The following MARCHF1 variants were observed in gnomAD, a reference collection of about 807,000 sequenced individuals.
MARCHF1 encodes membrane associated ring-CH-type finger 1, also known as E3 ubiquitin-protein ligase MARCHF1.
Under a neutral mutation model 54.2 loss-of-function variants are expected in MARCHF1, and 40 were observed. That is an observed-to-expected ratio of 0.74 (90% confidence interval 0.57 to 0.96). MARCHF1 has a LOEUF of 0.96. Among genes scored for constraint, MARCHF1 ranks in the 40% least tolerant of loss-of-function variants. MARCHF1 has a pLI of 0.00. For synonymous variants in MARCHF1, 236 were observed against 236.3 expected (o/e 1.00, Z 0.01); for missense variants, 586 against 656.5 (o/e 0.89, Z 1.17).
chr4:163,557,397 A>G (rs1455402716), intron 8 of MARCHF1, among the ~76,000 whole-genome samples: 1 of 152,222 alleles, frequency 6.6e-6, no homozygotes, highest in Admixed American at 6.5e-5. Flanking sequence ...GTTTGAACCA[A>G]AGAAAGCTTC....
At chr4:164,172,938 G>C (rs538002153) in intron 1 of MARCHF1, among the ~76,000 whole-genome samples, 1 of 141,798 alleles carries the variant, frequency 7.1e-6, no homozygotes, top group Non-Finnish European at 1.5e-5. Context: ...CCGAGATCAC[G>C]CCACTGCACT....
intron 3 of MARCHF1, among the ~76,000 whole-genome samples, chr4:163,986,249 C>CCTTTTTTTT (rs1752864138): frequency 3.5e-5 from 1 of 28,830 alleles, no homozygotes; most frequent in Non-Finnish European, 7.7e-5. Flanking sequence ...TTAACCTCTT[C>CCTTTTTTTT]TTTTTTTTTT....
At chr4:163,596,537 CAAAAAAAAAAA>C (rs142539749) in intron 7 of MARCHF1, among the ~76,000 whole-genome samples, 3 of 73,778 alleles carry the variant, frequency 4.1e-5, no homozygotes, top group Non-Finnish European at 5.0e-5. Flanking sequence ...GAGGCTGTCT[CAAAAAAAAAAA>C]AAAAAAAAAA....
chr4:163,534,524 T>G (rs1172764848), intron 9 of MARCHF1, among the ~76,000 whole-genome samples: 1 of 152,102 alleles, frequency 6.6e-6, no homozygotes, highest in Non-Finnish European at 1.5e-5. Context: ...TTAAAAAAAT[T>G]AATTAGTGTA....
chr4:164,019,472 T>C (rs913374162), intron 2 of MARCHF1, among the ~76,000 whole-genome samples: 4 of 152,176 alleles, frequency 2.6e-5, no homozygotes, highest in African/African-American at 7.2e-5. Context: ...TGCTCTCTTG[T>C]CTGTGAGCAG....
intron 7 of MARCHF1, among the ~76,000 whole-genome samples, chr4:163,604,219 T>C (rs1344289277): frequency 6.6e-6 from 1 of 152,078 alleles, no homozygotes; most frequent in Non-Finnish European, 1.5e-5. Flanking sequence ...CTTGCCTGTA[T>C]CTCCCTCCCA....
intron 1 of MARCHF1, among the ~76,000 whole-genome samples, chr4:164,191,353 A>C (rs1487054283): frequency 6.6e-6 from 1 of 152,238 alleles, no homozygotes; most frequent in South Asian, 2.1e-4. Flanking sequence ...GTTAGAATAC[A>C]TATTAGAAAG....
chr4:164,313,348 C>CAAAAAAAAAAAAAAAA lies in MARCHF1; in HGVS notation c.-323+70506_-323+70521dup, dbSNP rs553280791. ...TGGGTGGCAGAGCAAGACTCTGTCTCAAAAAAAAAAAAAAAAAAAGTGTAG... is the reference window on the plus strand; with the variant it reads ...TGGGTGGCAGAGCAAGACTCTGTCTCAAAAAAAAAAAAAAAAAAAAAAAAAAAAAAAAAAAGTGTAG... On this transcript the variant is annotated intron_variant, in intron 1 of 9. Transcript: ENST00000514618. Among the ~76,000 whole-genome samples the CAAAAAAAAAAAAAAAA allele has an allele frequency of 1.7e-4, 14 of 80,226 alleles. 1 individual carries two copies. The highest frequency in any genetic ancestry group is 6.1e-4 in the African/African-American group (13 of 21,264). The allele number at this position is 80,226 out of a possible 152,430, so 52.6% of individuals were successfully genotyped here.
intron 2 of MARCHF1, among the ~76,000 whole-genome samples, chr4:163,994,034 T>C (rs1753016014): frequency 6.6e-6 from 1 of 152,180 alleles, no homozygotes; most frequent in South Asian, 2.1e-4. Context: ...GTTAATGTTC[T>C]CTGTAGCTTT....
chr4:163,617,148 C>T lies in MARCHF1; in HGVS notation c.163-3755G>A, dbSNP rs773346152. Among the ~76,000 whole-genome samples, 8 of 152,014 alleles carry T rather than the reference C, an allele frequency of 5.3e-5. No individual in the cohort carries two copies. In the East Asian group the frequency reaches 5.8e-4, roughly 11 times the overall value. ...GAGACAGCAGGTTAAGTAAAATAAG[C>T]GCAGAGGTAAGTATTGCATTTCTCA... is the stretch of plus-strand genomic sequence containing the variant. On this transcript the variant is annotated intron_variant, in intron 5 of 9. Transcript: ENST00000514618.
At chr4:163,871,926 A>G (rs1750177758) in intron 3 of MARCHF1, among the ~76,000 whole-genome samples, 1 of 152,190 alleles carries the variant, frequency 6.6e-6, no homozygotes, top group African/African-American at 2.4e-5. Context: ...ATCCAAAACA[A>G]TTGAGTTTTA....
chr4:163,928,077 A>T (rs1247934089), intron 3 of MARCHF1, among the ~76,000 whole-genome samples: 1 of 151,874 alleles, frequency 6.6e-6, no homozygotes, highest in African/African-American at 2.4e-5. Flanking sequence ...GAAAGGCTTC[A>T]ATTAGATGTT....
rs1316215344 is a variant in MARCHF1 at position 163,564,998 on chromosome 4, AG to A, written c.1192-19256del. Among the ~76,000 whole-genome samples the A allele has an allele frequency of 2.0e-5, 3 of 152,312 alleles. No homozygotes were observed. In the East Asian group the frequency reaches 5.8e-4, roughly 29 times the overall value. ...CTAAACTGGGCCTCGACTCTTAAAA[AG>A]AAGAAAAATATACAAGTGGGTGATA... On this transcript the variant is annotated intron_variant, in intron 8 of 9. Coordinates refer to ENST00000514618, the MANE Select transcript of MARCHF1 (RefSeq NM_001394959.1).
At chr4:164,349,123 G>C (rs181243689) in intron 1 of MARCHF1, among the ~76,000 whole-genome samples, 1 of 152,152 alleles carries the variant, frequency 6.6e-6, no homozygotes. Context: ...TACCAGATCT[G>C]TGGAATCCAT....
At chr4:163,716,651 T>G (rs1233230559) in intron 4 of MARCHF1, among the ~76,000 whole-genome samples, 2 of 152,164 alleles carry the variant, frequency 1.3e-5, no homozygotes, top group Non-Finnish European at 2.9e-5. Flanking sequence ...TCCACACCCA[T>G]GATTGGTGCT....
chr4:164,209,743 A>T (rs1731712815), intron 1 of MARCHF1, among the ~76,000 whole-genome samples: 1 of 152,200 alleles, frequency 6.6e-6, no homozygotes, highest in Non-Finnish European at 1.5e-5. Flanking sequence ...TCATAAAATT[A>T]GTTCTCTTCA....
At chr4:163,947,458 C>A (rs1752046579) in intron 3 of MARCHF1, among the ~76,000 whole-genome samples, 1 of 152,084 alleles carries the variant, frequency 6.6e-6, no homozygotes, top group African/African-American at 2.4e-5. Context: ...TTGGATTATG[C>A]AGGTGGGTCC....
At chr4:164,194,056 A>G (rs1298298714) in intron 1 of MARCHF1, among the ~76,000 whole-genome samples, 1 of 152,202 alleles carries the variant, frequency 6.6e-6, no homozygotes. Flanking sequence ...TGTCAACCAG[A>G]ATCATCACCA....
intron 1 of MARCHF1, among the ~76,000 whole-genome samples, chr4:164,151,188 G>C (rs1320219794): frequency 6.6e-6 from 1 of 152,144 alleles, no homozygotes; most frequent in African/African-American, 2.4e-5. Context: ...GACAATGTAT[G>C]CAATAATTTG....
Sources: allele counts gnomAD v4.1 joint callset (sites outside exome capture counted in the v4.1 genomes callset), GRCh38; gene constraint gnomAD v4.1.1; transcripts MANE v1.5; gene names NCBI Gene and HGNC (gene_info 2026-07-23, HGNC 2026-07-21).